AADAT: variants seen among roughly 807,000 people sequenced by gnomAD.
The protein encoded by AADAT is kynurenine/alpha-aminoadipate aminotransferase, mitochondrial.
In AADAT, 25 loss-of-function variants were observed where a neutral mutation model predicts 56.2. The observed-to-expected ratio is 0.44, with a 90% CI of 0.32 to 0.62. The LOEUF (loss-of-function observed/expected upper bound fraction) is 0.62, where lower values mean the gene tolerates loss of function less well. AADAT is among the 20% of genes least tolerant of loss of function. AADAT has a pLI of 0.04. For synonymous variants in AADAT, 173 were observed against 164.7 expected, an observed-to-expected ratio of 1.05 and a Z score of -0.39; for missense variants, 387 against 510.5, an observed-to-expected ratio of 0.76 and a Z score of 2.33.
chr4:170,077,056 T>C (rs372580689), intron 4 of AADAT, among the ~76,000 whole-genome samples: 325 of 152,310 alleles, frequency 2.1e-3, no homozygotes, highest in Non-Finnish European at 3.5e-3. Context: ...ATTCTATTGG[T>C]CTATATGATT....
chr4:170,066,545 G>T, intron 9 of AADAT, 67 bp from the exon 10 acceptor site: 1 of 1,127,590 alleles, frequency 8.9e-7, no homozygotes, highest in Non-Finnish European at 1.4e-6. Flanking sequence ...ACAGTCTCCA[G>T]AGTCCAGGCT....
chr4:170,078,416 CTT>C (rs1732137710), intron 4 of AADAT, 91 bp downstream of exon 4: 1 of 668,698 alleles, frequency 1.5e-6, no homozygotes, highest in African/African-American at 1.9e-5. Context: ...AAGATATTAA[CTT>C]TATTATAATA....
At chr4:170,062,394 G>C (rs889320998) in intron 11 of AADAT, among the ~76,000 whole-genome samples, 2 of 152,018 alleles carry the variant, frequency 1.3e-5, no homozygotes, top group African/African-American at 4.8e-5. Context: ...TTTTAAGCTG[G>C]GGCCTGAAAG....
intron 4 of AADAT, among the ~76,000 whole-genome samples, chr4:170,076,377 A>G (rs1732034099): frequency 6.6e-6 from 1 of 152,214 alleles, no homozygotes; most frequent in Non-Finnish European, 1.5e-5. Flanking sequence ...CTGCAGGTAC[A>G]GCAGTCACAC....
chr4:170,086,993 G>C (rs751457902), intron 3 of AADAT, 123 bp downstream of exon 3: 92 of 1,347,502 alleles, frequency 6.8e-5, no homozygotes, highest in Middle Eastern at 1.9e-4. Flanking sequence ...ATAATTCTAG[G>C]TGAAGACAAG....
chr4:170,091,071 A>G (rs1401022175), upstream of AADAT, among the ~76,000 whole-genome samples: 1 of 151,860 alleles, frequency 6.6e-6, no homozygotes, highest in Non-Finnish European at 1.5e-5. Flanking sequence ...GCCTGCTGGC[A>G]GCCCTCGCAG....
intron 2 of AADAT, among the ~76,000 whole-genome samples, chr4:170,087,571 C>A (rs1452903822): frequency 6.6e-6 from 1 of 152,090 alleles, no homozygotes; most frequent in African/African-American, 2.4e-5. Context: ...TTTGTTCTCT[C>A]TAGGAAGAGT....
chr4:170,092,577 G>A (rs1332442036), upstream of AADAT, among the ~76,000 whole-genome samples: 1 of 152,222 alleles, frequency 6.6e-6, no homozygotes, highest in East Asian at 1.9e-4. Flanking sequence ...CCAATTCCAG[G>A]CACAGTATCT....
At chr4:170,088,280 T>TTTAGAATATTTATGAAAGGACC (rs1235513162) in intron 2 of AADAT, 116 bp downstream of exon 2, 29 of 1,139,806 alleles carry the variant, frequency 2.5e-5, no homozygotes, top group Non-Finnish European at 3.5e-5. Context: ...GGTCAATGGC[T>TTTAGAATATTTATGAAAGGACC]TTAGAATATT....
At chr4:170,079,243 G>C (rs571192870) in intron 3 of AADAT, among the ~76,000 whole-genome samples, 1 of 152,178 alleles carries the variant, frequency 6.6e-6, no homozygotes, top group Non-Finnish European at 1.5e-5. Context: ...GTTGGTGTAC[G>C]GGGTAACAAC....
intron 3 of AADAT, among the ~76,000 whole-genome samples, chr4:170,085,350 A>G (rs1732505148): frequency 6.6e-6 from 1 of 152,182 alleles, no homozygotes; most frequent in Admixed American, 6.5e-5. Flanking sequence ...TACAAATTTC[A>G]AATATCCTAA....
chr4:170,066,547 G>A (rs895858375), intron 9 of AADAT, 69 bp from the exon 10 acceptor site: 1 of 1,108,522 alleles, frequency 9.0e-7, no homozygotes, highest in Non-Finnish European at 1.4e-6. Flanking sequence ...AGTCTCCAGA[G>A]TCCAGGCTAT....
At chr4:170,081,651 G>T (rs1216206544) in intron 3 of AADAT, among the ~76,000 whole-genome samples, 1 of 152,154 alleles carries the variant, frequency 6.6e-6, no homozygotes, top group South Asian at 2.1e-4. Context: ...AAAGAGAAAT[G>T]ACATTTTCAA....
chr4:170,072,844 T>C (rs1240461452), intron 5 of AADAT, among the ~76,000 whole-genome samples: 2 of 152,062 alleles, frequency 1.3e-5, no homozygotes, highest in Admixed American at 6.5e-5. Context: ...GAAATCAAAC[T>C]TGGGATAAAA....
At chr4:170,077,763 A>G (rs1732107507) in intron 4 of AADAT, among the ~76,000 whole-genome samples, 1 of 152,216 alleles carries the variant, frequency 6.6e-6, no homozygotes, top group Non-Finnish European at 1.5e-5. Context: ...TATTAACCTA[A>G]GGTCATGTAC....
chr4:170,092,406 C>T (rs771738445), upstream of AADAT, among the ~76,000 whole-genome samples: 17 of 152,242 alleles, frequency 1.1e-4, no homozygotes, highest in Non-Finnish European at 2.2e-4. Flanking sequence ...TGCAGCTTCA[C>T]GCCAGCAGCC....
chr4:170,065,604 G>A (rs1459870218), intron 10 of AADAT, among the ~76,000 whole-genome samples: 1 of 151,804 alleles, frequency 6.6e-6, no homozygotes, highest in Non-Finnish European at 1.5e-5. Context: ...AGGTTCAAGT[G>A]ATTCTCCTGC....
intron 3 of AADAT, among the ~76,000 whole-genome samples, chr4:170,083,057 A>G (rs1732390317): frequency 6.6e-6 from 1 of 150,630 alleles, no homozygotes; most frequent in African/African-American, 2.4e-5. Context: ...GTAGACAGTT[A>G]CAAAAATATT....
In AADAT at chr4:170,066,409, C is replaced by T. The variant is rs1731464440; in HGVS notation, c.1027+5G>A. ...ATCATGAGGACGAATATACGTTCCACTCACCAGTTAACCACTTGTCTGCAG... is the reference window on the plus strand; with the variant it reads ...ATCATGAGGACGAATATACGTTCCATTCACCAGTTAACCACTTGTCTGCAG... On this transcript the variant is annotated splice_donor_5th_base_variant and intron_variant, in intron 10 of 12. Transcript: ENST00000337664. The T allele has an allele frequency of 1.9e-6, 3 of 1,612,952 alleles. No individual in the cohort carries two copies. The highest frequency in any genetic ancestry group is 2.5e-6 in the Non-Finnish European group (3 of 1,179,206).
Sources: gnomAD v4.1 joint callset for allele counts (sites outside exome capture counted in the v4.1 genomes callset) on GRCh38, gnomAD v4.1.1 for gene constraint, MANE v1.5 for transcripts, NCBI Gene and HGNC (gene_info 2026-07-23, HGNC 2026-07-21) for gene names.